The following SCMH1 variants were observed in gnomAD, a reference collection of about 807,000 sequenced individuals.
SCMH1 encodes polycomb protein SCMH1.
In SCMH1, 37 loss-of-function variants were observed where a neutral mutation model predicts 70.8. That is an observed-to-expected ratio of 0.52 (90% CI 0.40 to 0.69). The LOEUF is 0.69. Ranked by LOEUF, SCMH1 falls within the 30% of genes least tolerant of loss-of-function variation. SCMH1 has a pLI of 0.00. For missense variants in SCMH1, 607 were observed against 827.3 expected (o/e 0.73, Z 3.27); for synonymous variants, 292 against 307.4 (o/e 0.95, Z 0.52).
Position 41,237,009 on chromosome 1 carries a change from A to C in SCMH1, c.-118+5050T>G, listed in dbSNP as rs80107211. 6.2e-3 allele frequency among the ~76,000 whole-genome samples: 942 copies of C among 152,332 alleles called. 6 individuals carry two copies. The highest frequency in any genetic ancestry group is 0.021 in the African/African-American group (879 of 41,560). ...TCCCTCATTCACAGATGGGGAGAGA[A>C]AGACCCAACATTTGAGTGCCTGATA... On this transcript the variant is annotated intron_variant, in intron 1 of 14. Coordinates refer to ENST00000337495, the Ensembl canonical transcript of SCMH1.
intron 5 of SCMH1, among the ~76,000 whole-genome samples, chr1:41,151,347 T>C (rs1040365953): frequency 6.6e-6 from 1 of 152,212 alleles, no homozygotes; most frequent in Admixed American, 6.5e-5. Context: ...TAGTAAAAAT[T>C]AGCAGTTGTT....
At chr1:41,135,089 T>C (rs1643054363) in intron 6 of SCMH1, among the ~76,000 whole-genome samples, 1 of 152,232 alleles carries the variant, frequency 6.6e-6, no homozygotes, top group Non-Finnish European at 1.5e-5. Flanking sequence ...CTAATTCCTT[T>C]TATTTAGGAT....
chr1:41,238,688 C>T (rs1462274003), intron 1 of SCMH1, among the ~76,000 whole-genome samples: 1 of 152,222 alleles, frequency 6.6e-6, no homozygotes, highest in Admixed American at 6.5e-5. Context: ...GCTTTACTGA[C>T]CTTCGCCTCT....
intron 8 of SCMH1, among the ~76,000 whole-genome samples, chr1:41,095,630 T>C (rs1664861473): frequency 6.6e-6 from 1 of 152,192 alleles, no homozygotes. Flanking sequence ...TGATGCTATA[T>C]TCTGGTCGAT....
chr1:41,088,585 A>T (rs1295793264), intron 8 of SCMH1, among the ~76,000 whole-genome samples: 1 of 152,122 alleles, frequency 6.6e-6, no homozygotes, highest in African/African-American at 2.4e-5. Context: ...CTCCCAGCTT[A>T]GTTTCCTGAG....
intron 12 of SCMH1, among the ~76,000 whole-genome samples, chr1:41,039,606 A>G (rs1645823273): frequency 6.6e-6 from 1 of 151,884 alleles, no homozygotes; most frequent in Non-Finnish European, 1.5e-5. Flanking sequence ...CAGCCTCCCA[A>G]GTAGTGCATG....
intron 1 of SCMH1, among the ~76,000 whole-genome samples, chr1:41,230,382 A>G (rs1045694259): frequency 3.3e-5 from 5 of 152,208 alleles, no homozygotes; most frequent in Non-Finnish European, 5.9e-5. Flanking sequence ...TTAACAAATG[A>G]TTCCCAGCCA....
At position 41,168,341 on chromosome 1, in the gene SCMH1, T is replaced by C. The variant is rs568851531; in HGVS notation, c.14-6909A>G. Among the ~76,000 whole-genome samples, 130 of 152,322 alleles carry C rather than the reference T, an allele frequency of 8.5e-4. 1 individual carries two copies. The highest frequency in any genetic ancestry group is 2.7e-3 in the African/African-American group (113 of 41,586). On this transcript the variant is annotated intron_variant, in intron 2 of 14. Transcript: ENST00000337495. Reference sequence around the variant, plus strand: ...ACTATCCTTTTCATTCTTTTTTCTTTTTGCTCAGATTGGATTTTTTTCAGT... The same window carrying C: ...ACTATCCTTTTCATTCTTTTTTCTTCTTGCTCAGATTGGATTTTTTTCAGT...
chr1:41,219,401 A>C (rs1005585483), intron 1 of SCMH1, among the ~76,000 whole-genome samples: 6 of 152,224 alleles, frequency 3.9e-5, no homozygotes, highest in Admixed American at 3.3e-4. Context: ...GCTGGTCAGA[A>C]GTATGGGTGG....
At chr1:41,177,677 G>C (rs1387524173) in intron 2 of SCMH1, among the ~76,000 whole-genome samples, 1 of 152,122 alleles carries the variant, frequency 6.6e-6, no homozygotes, top group Non-Finnish European at 1.5e-5. Flanking sequence ...AGTGAGAAGA[G>C]AAGTTTAGAG....
At chr1:41,131,690 C>T (rs977488899) in intron 6 of SCMH1, among the ~76,000 whole-genome samples, 7 of 152,150 alleles carry the variant, frequency 4.6e-5, no homozygotes, top group African/African-American at 1.7e-4. Context: ...TCTCCTAATG[C>T]TATCTCTCCC....
At chr1:41,075,091 T>C in intron 9 of SCMH1, 128 bp downstream of exon 9, 1 of 825,342 alleles carries the variant, frequency 1.2e-6, no homozygotes, top group Admixed American at 2.0e-5. Flanking sequence ...CTCGATCTCC[T>C]GACCTCATGA....
chr1:41,075,897 A>T (rs567413986), intron 8 of SCMH1, among the ~76,000 whole-genome samples: 10 of 152,352 alleles, frequency 6.6e-5, no homozygotes, highest in African/African-American at 2.4e-4. Flanking sequence ...TTGAGCCCTG[A>T]TAACCATGCC....
At chr1:41,048,968 T>G in intron 10 of SCMH1, 78 bp from the exon 11 acceptor site, 1 of 1,317,174 alleles carries the variant, frequency 7.6e-7, no homozygotes, top group Non-Finnish European at 1.1e-6. Flanking sequence ...CTATTCCATC[T>G]TTTATACCTT....
chr1:41,039,950 A>C (rs1469032075), intron 12 of SCMH1, among the ~76,000 whole-genome samples: 1 of 94,884 alleles, frequency 1.1e-5, no homozygotes, highest in Non-Finnish European at 2.0e-5. Flanking sequence ...TTGCCAAAAA[A>C]CTTTTTTTTT....
chr1:41,189,119 C>A (rs1651014452), intron 1 of SCMH1, among the ~76,000 whole-genome samples: 1 of 152,156 alleles, frequency 6.6e-6, no homozygotes, highest in African/African-American at 2.4e-5. Context: ...ACTGATCAGC[C>A]ACTCTCTCAT....
rs146672398 is a variant in SCMH1 at position 41,055,622 on chromosome 1, G to A, written c.1106-6732C>T. 8.2e-3 allele frequency among the ~76,000 whole-genome samples: 1,246 copies of A among 152,324 alleles called. 23 individuals carry two copies. Among genetic ancestry groups the A allele is most frequent in the African/African-American group, 0.029 (1,194 of 41,572 alleles). On this transcript the variant is annotated intron_variant, in intron 10 of 14. Coordinates refer to ENST00000337495, the Ensembl canonical transcript of SCMH1. ...GCTGCGATTACAGGCGTGAGCCACC[G>A]CGCCCGGCCTCAGAATTTCTATAGA...
intron 2 of SCMH1, among the ~76,000 whole-genome samples, chr1:41,172,686 T>C (rs963128867): frequency 6.6e-6 from 1 of 152,098 alleles, no homozygotes; most frequent in Admixed American, 6.5e-5. Flanking sequence ...TTTCAAAATA[T>C]ATTACAAAGA....
chr1:41,076,437 G>A (rs1217502659), intron 8 of SCMH1, among the ~76,000 whole-genome samples: 1 of 152,138 alleles, frequency 6.6e-6, no homozygotes, highest in African/African-American at 2.4e-5. Context: ...CTTACTATAA[G>A]TTATACACTG....
Sources: gnomAD v4.1 joint callset for allele counts (sites outside exome capture counted in the v4.1 genomes callset) on GRCh38, gnomAD v4.1.1 for gene constraint, MANE v1.5 for transcripts, NCBI Gene and HGNC (gene_info 2026-07-23, HGNC 2026-07-21) for gene names.